Variants in ZPBP observed in about 807,000 individuals in gnomAD.
ZPBP encodes zona pellucida binding protein, also known as zona pellucida-binding protein 1.
In ZPBP, 26 loss-of-function variants were observed where a neutral mutation model predicts 44.8. The ratio of observed to expected loss-of-function variants is 0.58; its 90% confidence interval spans 0.43 to 0.81. ZPBP has a LOEUF of 0.81. Among genes scored for constraint, ZPBP ranks in the 30% least tolerant of loss-of-function variants. ZPBP has a pLI of 0.00. For missense variants in ZPBP, 409 were observed against 434.0 expected, an observed-to-expected ratio of 0.94 and a Z score of 0.51; for synonymous variants, 174 against 153.2, an observed-to-expected ratio of 1.14 and a Z score of -1.00.
chr7:50,051,375 C>G (rs1800686154), intron 4 of ZPBP, among the ~76,000 whole-genome samples: 1 of 152,104 alleles, frequency 6.6e-6, no homozygotes, highest in Non-Finnish European at 1.5e-5. Context: ...GATGGTGTGG[C>G]AATTCCTCAA....
At chr7:49,875,967 T>C (rs1417255462) in intron 2 of ZPBP, among the ~76,000 whole-genome samples, 2 of 152,112 alleles carry the variant, frequency 1.3e-5, no homozygotes, top group Non-Finnish European at 2.9e-5. Context: ...AAGAAATTGG[T>C]GTTGCATTGT....
chr7:49,843,660 G>T, the ZPBP span, among the ~76,000 whole-genome samples: 1 of 152,196 alleles, frequency 6.6e-6, no homozygotes, highest in Non-Finnish European at 1.5e-5. Context: ...TGTCCCAGAG[G>T]GCTAGAGTCC....
intron 2 of ZPBP, among the ~76,000 whole-genome samples, chr7:49,854,173 A>G (rs185002077): frequency 6.6e-4 from 101 of 152,322 alleles, no homozygotes; most frequent in African/African-American, 2.3e-3. Flanking sequence ...CGCAATAAGC[A>G]TACATGTGCA....
intron 7 of ZPBP, among the ~76,000 whole-genome samples, chr7:49,981,334 TTA>T (rs1562819122): frequency 2.6e-5 from 1 of 38,390 alleles, no homozygotes; most frequent in South Asian, 7.5e-4. Flanking sequence ...TATATTATAA[TTA>T]TATATATTAT....
At chr7:50,034,126 T>A (rs1799723988) in intron 4 of ZPBP, among the ~76,000 whole-genome samples, 1 of 152,046 alleles carries the variant, frequency 6.6e-6, no homozygotes, top group South Asian at 2.1e-4. Flanking sequence ...CAAGAAAAAT[T>A]TAAAAACTAT....
rs943531091 is a variant in ZPBP, at chr7:50,031,606, C to T, written c.488-296G>A. 4.6e-5 allele frequency among the ~76,000 whole-genome samples: 7 copies of T among 152,170 alleles called. No individual in the cohort carries two copies. In the East Asian group the frequency reaches 1.3e-3, roughly 29 times the overall value. ...TTATGTCACATGTCCAATGCCTATG[C>T]TATCAAAACTAAGATTCTAACTTAC... On this transcript the variant is annotated intron_variant, in intron 4 of 7. Coordinates refer to ENST00000046087, the MANE Select transcript of ZPBP (RefSeq NM_007009.3).
chr7:50,010,247 G>A (rs1357078528), intron 6 of ZPBP, among the ~76,000 whole-genome samples: 1 of 151,996 alleles, frequency 6.6e-6, no homozygotes, highest in Admixed American at 6.6e-5. Context: ...AGCTACAGTA[G>A]TCAAGACCAT....
At chr7:50,074,128 A>G (rs998957758) in intron 3 of ZPBP, among the ~76,000 whole-genome samples, 1 of 152,110 alleles carries the variant, frequency 6.6e-6, no homozygotes, top group African/African-American at 2.4e-5. Flanking sequence ...CAGAAGTTAA[A>G]AAGCAGGGGG....
intron 4 of ZPBP, among the ~76,000 whole-genome samples, chr7:50,044,675 G>T (rs1174700151): frequency 1.3e-5 from 2 of 151,416 alleles, no homozygotes; most frequent in Non-Finnish European, 3.0e-5. Flanking sequence ...GGCAGTAATA[G>T]TCTACCAACC....
At chr7:49,910,056 G>T (rs1056046776) in intron 1 of ZPBP, among the ~76,000 whole-genome samples, 1 of 152,052 alleles carries the variant, frequency 6.6e-6, no homozygotes, top group African/African-American at 2.4e-5. Context: ...CAGCTACAGT[G>T]AGCCATGATC....
downstream of ZPBP, among the ~76,000 whole-genome samples, chr7:49,933,169 T>A (rs1169070302): frequency 6.6e-6 from 1 of 152,168 alleles, no homozygotes; most frequent in Non-Finnish European, 1.5e-5. Flanking sequence ...ATCATAATAT[T>A]AAGGAAAATA....
At chr7:50,058,960 C>A (rs1268429789) in intron 3 of ZPBP, among the ~76,000 whole-genome samples, 1 of 152,090 alleles carries the variant, frequency 6.6e-6, no homozygotes, top group Non-Finnish European at 1.5e-5. Context: ...CTCATTTGTA[C>A]AATGAAAAAT....
intron 2 of ZPBP, among the ~76,000 whole-genome samples, chr7:49,859,022 G>C (rs925550467): frequency 3.9e-5 from 6 of 152,178 alleles, no homozygotes; most frequent in African/African-American, 1.2e-4. Context: ...CTATCTGATG[G>C]TTTTTAGCGA....
intron 6 of ZPBP, among the ~76,000 whole-genome samples, chr7:50,000,499 C>T (rs778554772): frequency 1.1e-3 from 170 of 152,276 alleles, no homozygotes; most frequent in Middle Eastern, 3.4e-3. Context: ...AGGTCCATAA[C>T]TTCTATTTTA....
chr7:50,093,045 G>A lies in ZPBP; in HGVS notation c.127+23C>T, dbSNP rs201955544. 1.3e-4 allele frequency: 214 copies of A among 1,591,676 alleles called. 2 individuals are homozygous for A. In the East Asian group the frequency reaches 3.9e-3, roughly 29 times the overall value. On this transcript the variant is annotated intron_variant, in intron 1 of 7. Coordinates refer to ENST00000046087, the MANE Select transcript of ZPBP (RefSeq NM_007009.3). ...AAGCTGCGGTTGTCCCTGCGGAGCC[G>A]GCAGGGCGGCGCGGACCCTCACCTG... is the stretch of plus-strand genomic sequence containing the variant.
rs144354910 is a variant in ZPBP, at chr7:49,880,914, G to A, written n.509+20204C>T. 1.5e-3 allele frequency among the ~76,000 whole-genome samples: 224 copies of A among 152,264 alleles called. 2 individuals carry two copies. The highest frequency in any genetic ancestry group is 5.1e-3 in the African/African-American group (213 of 41,552). ...TTCTCTTACAGAAAAGATTGGGCAC[G>A]TTCAGGGTGGCATGATGTAATCATC... On this transcript the variant is annotated intron_variant and non_coding_transcript_variant, in intron 2 of 2. Transcript: ENST00000465922.
intron 6 of ZPBP, among the ~76,000 whole-genome samples, chr7:50,015,678 C>A (rs549416338): frequency 8.0e-6 from 1 of 125,178 alleles, no homozygotes; most frequent in Non-Finnish European, 1.7e-5. Context: ...GGTCTAATAT[C>A]CAGAATCTAT....
intron 1 of ZPBP, among the ~76,000 whole-genome samples, chr7:49,925,040 G>T (rs1450053228): frequency 9.9e-5 from 15 of 152,202 alleles, no homozygotes; most frequent in Admixed American, 7.9e-4. Flanking sequence ...GGCCCAGCAG[G>T]AGCTGGCCTC....
intron 1 of ZPBP, chr7:49,920,784 A>C (rs1793984153): frequency 6.6e-6 from 1 of 151,930 alleles, no homozygotes. Flanking sequence ...TGAAAACTTA[A>C]AAAAAAAGTC....
Sources: allele counts gnomAD v4.1 joint callset (sites outside exome capture counted in the v4.1 genomes callset), GRCh38; gene constraint gnomAD v4.1.1; transcripts MANE v1.5; gene names NCBI Gene and HGNC (gene_info 2026-07-23, HGNC 2026-07-21).